SVOPL: variants seen among roughly 807,000 people sequenced by gnomAD.
SVOPL encodes SVOP like.
SVOPL carries 60 observed loss-of-function variants against 61.0 expected under a neutral mutation model. The ratio of observed to expected loss-of-function variants is 0.98; its 90% CI spans 0.80 to 1.22. The LOEUF (loss-of-function observed/expected upper bound fraction) is 1.22. Among genes scored for constraint, SVOPL ranks in the 50% most tolerant of loss-of-function variants. The pLI, the probability that SVOPL is intolerant of heterozygous loss-of-function variation, is 0.00. For missense variants in SVOPL, 662 were observed against 643.9 expected (o/e 1.03, Z -0.30); for synonymous variants, 279 against 250.0 (o/e 1.12, Z -1.09).
chr7:138,636,122 G>A (rs1800457603), intron 9 of SVOPL, among the ~76,000 whole-genome samples: 1 of 152,008 alleles, frequency 6.6e-6, no homozygotes, highest in African/African-American at 2.4e-5. Flanking sequence ...TAGAGATGAG[G>A]TTTCACCATG....
chr7:138,684,102 C>T (rs962280793), intron 1 of SVOPL, among the ~76,000 whole-genome samples: 14 of 151,480 alleles, frequency 9.2e-5, no homozygotes, highest in African/African-American at 3.4e-4. Flanking sequence ...CAGCGGCTCA[C>T]GTCTATAATC....
Position 138,672,229 on chromosome 7 carries a change from T to C in SVOPL, c.175-112A>G, listed in dbSNP as rs564924115. On this transcript the variant is annotated intron_variant, in intron 3 of 15. Transcript: ENST00000674285. ...TCCTGTCCCCTTTGTCCTTCCCCAT[T>C]CAGGGAGGATCTATTGTATACCCAC... 4.1e-4 allele frequency: 384 copies of C among 927,946 alleles called. 8 individuals are homozygous for C. The South Asian group carries it at 5.3e-3, about 13-fold the overall frequency. The allele number at this position is 927,946 out of a possible 1,614,324, so 57.5% of individuals were successfully genotyped here. A position where few individuals can be genotyped will look rare whatever the true frequency, so the allele number is the denominator to read the frequency against.
intron 14 of SVOPL, among the ~76,000 whole-genome samples, chr7:138,616,499 G>A (rs1257291073): frequency 6.6e-6 from 1 of 152,042 alleles, no homozygotes; most frequent in Non-Finnish European, 1.5e-5. Context: ...AACAAACCCA[G>A]CTAATTTTAT....
At chr7:138,655,725 AATATAGAT>A (rs1242342873) in intron 7 of SVOPL, among the ~76,000 whole-genome samples, 3 of 150,592 alleles carry the variant, frequency 2.0e-5, no homozygotes, top group Non-Finnish European at 4.4e-5. Flanking sequence ...ATATTTGTGT[AATATAGAT>A]ATATATTCAT....
chr7:138,605,044 G>C (rs535528541), intron 14 of SVOPL, among the ~76,000 whole-genome samples: 85 of 151,716 alleles, frequency 5.6e-4, no homozygotes, highest in African/African-American at 2.0e-3. Context: ...AATGAGCCCT[G>C]AGCTCTAAAA....
chr7:138,638,673 G>A (rs1204388465), intron 9 of SVOPL, among the ~76,000 whole-genome samples: 5 of 151,912 alleles, frequency 3.3e-5, no homozygotes, highest in East Asian at 3.9e-4. Flanking sequence ...TAGAATTTAA[G>A]GTCCAAAGCC....
chr7:138,648,562 G>A (rs1801248622), intron 8 of SVOPL, among the ~76,000 whole-genome samples: 1 of 144,190 alleles, frequency 6.9e-6, no homozygotes, highest in South Asian at 2.2e-4. Flanking sequence ...AAAAAAATTA[G>A]TCAGGCGCGG....
rs865963617 is a variant in SVOPL at position 138,688,053 on chromosome 7, G to A, written c.-34-8974C>T. Reference sequence around the variant, plus strand: ...CTTGACCTCGTGATCCACCCGCCTCGGCCCCCCACAGTGCTGGGATTACAG... The same window carrying A: ...CTTGACCTCGTGATCCACCCGCCTCAGCCCCCCACAGTGCTGGGATTACAG... On this transcript the variant is annotated intron_variant, in intron 1 of 15. Coordinates refer to ENST00000674285, the MANE Select transcript of SVOPL (RefSeq NM_001139456.2). Among the ~76,000 whole-genome samples the A allele has an allele frequency of 8.5e-5, 13 of 152,112 alleles. No individual in the cohort carries two copies. In the South Asian group the frequency reaches 1.0e-3, roughly 12 times the overall value.
At chr7:138,687,807 A>AT (rs548539622) in intron 1 of SVOPL, among the ~76,000 whole-genome samples, 5,318 of 144,616 alleles carry the variant, frequency 0.037, 131 homozygotes, top group South Asian at 0.1. Context: ...AGAAAATCTA[A>AT]TTTTTTTTTT....
chr7:138,640,733 G>A (rs1306157029), intron 9 of SVOPL, among the ~76,000 whole-genome samples: 2 of 152,134 alleles, frequency 1.3e-5, no homozygotes, highest in African/African-American at 2.4e-5. Context: ...TGGACATAAA[G>A]AGGACAGCAA....
At chr7:138,598,029 T>C (rs1584762278) in intron 14 of SVOPL, among the ~76,000 whole-genome samples, 1 of 152,230 alleles carries the variant, frequency 6.6e-6, no homozygotes, top group African/African-American at 2.4e-5. Context: ...TAGATGTTAC[T>C]GGGTATTTTT....
intron 9 of SVOPL, among the ~76,000 whole-genome samples, chr7:138,644,326 G>A (rs183350417): frequency 6.6e-6 from 1 of 151,534 alleles, no homozygotes; most frequent in Admixed American, 6.6e-5. Flanking sequence ...GTTCAAAGAG[G>A]TTAACACCTA....
intron 1 of SVOPL, among the ~76,000 whole-genome samples, chr7:138,699,605 C>G (rs1035754163): frequency 6.6e-6 from 1 of 152,168 alleles, no homozygotes. Context: ...TTATGAGAGG[C>G]ACGACAAAAT....
chr7:138,601,965 T>C (rs1010366792), intron 14 of SVOPL, among the ~76,000 whole-genome samples: 7 of 152,242 alleles, frequency 4.6e-5, no homozygotes, highest in African/African-American at 1.4e-4. Context: ...TCCACTAGTA[T>C]GTAACTTCAA....
At chr7:138,642,878 T>C in intron 9 of SVOPL, among the ~76,000 whole-genome samples, 1 of 142,202 alleles carries the variant, frequency 7.0e-6, no homozygotes, top group Non-Finnish European at 1.5e-5. Flanking sequence ...AATAATAATA[T>C]ATATAACCAA....
At chr7:138,622,182 G>A (rs1181591461) in intron 13 of SVOPL, among the ~76,000 whole-genome samples, 1 of 47,378 alleles carries the variant, frequency 2.1e-5, no homozygotes, top group African/African-American at 1.0e-4. Flanking sequence ...ATCTGTCTAT[G>A]TATCTATCTA....
At chr7:138,696,072 G>A (rs1004704642) in intron 1 of SVOPL, among the ~76,000 whole-genome samples, 7 of 152,072 alleles carry the variant, frequency 4.6e-5, no homozygotes, top group African/African-American at 1.4e-4. Context: ...GTGGGCCACC[G>A]CACCCAGCCT....
chr7:138,665,144 T>C (rs934140081), intron 4 of SVOPL, among the ~76,000 whole-genome samples: 3 of 84,652 alleles, frequency 3.5e-5, no homozygotes, highest in African/African-American at 1.0e-4. Flanking sequence ...GTCAGCTCTT[T>C]TCTGCAGGTG....
At position 138,679,156 on chromosome 7, in the gene SVOPL, A is replaced by T. The variant is rs10250706; in HGVS notation, c.-34-77T>A. On this transcript the variant is annotated intron_variant, in intron 1 of 15. Coordinates refer to ENST00000674285, the MANE Select transcript of SVOPL (RefSeq NM_001139456.2). ...AGTTAGTATATGCCAGGCACACTAC[A>T]CACAAAATTTCCTGAAGCCCTCACA... The T allele has an allele frequency of 1.5e-3, 1,510 of 983,632 alleles. 25 individuals carry two copies. In the African/African-American group the frequency reaches 0.024, roughly 15 times the overall value. 60.9% of individuals were successfully genotyped at this position (983,632 alleles called of 1,614,324 possible).
Sources: allele counts gnomAD v4.1 joint callset (sites outside exome capture counted in the v4.1 genomes callset), GRCh38; gene constraint gnomAD v4.1.1; transcripts MANE v1.5; gene names NCBI Gene and HGNC (gene_info 2026-07-23, HGNC 2026-07-21).